DNAAF11: variants seen among roughly 807,000 people sequenced by gnomAD.
The protein encoded by DNAAF11 is dynein axonemal assembly factor 11.
In DNAAF11, 45 loss-of-function variants were observed where a neutral mutation model predicts 60.8. That is an observed-to-expected ratio of 0.74 (90% CI 0.58 to 0.95). The LOEUF (loss-of-function observed/expected upper bound fraction) is 0.95. Among genes scored for constraint, DNAAF11 ranks in the 40% least tolerant of loss-of-function variants. DNAAF11 has a pLI of 0.00. For synonymous variants in DNAAF11, 191 were observed against 183.5 expected, an observed-to-expected ratio of 1.04 and a Z score of -0.33; for missense variants, 546 against 546.2, an observed-to-expected ratio of 1.00 and a Z score of 0.00.
At chr8:132,643,432 G>A in intron 3 of DNAAF11, 1 of 336,228 alleles carries the variant, frequency 3.0e-6, no homozygotes, top group Non-Finnish European at 5.9e-6. Flanking sequence ...GAAGGCAGGA[G>A]GAGGCAGGTA....
intron 10 of DNAAF11, among the ~76,000 whole-genome samples, chr8:132,587,889 T>C (rs1201239616): frequency 1.3e-5 from 2 of 152,194 alleles, no homozygotes; most frequent in Non-Finnish European, 2.9e-5. Flanking sequence ...CAAAAGTCCA[T>C]TCTGAGGCTT....
chr8:132,664,693 G>A (rs974977791), intron 1 of DNAAF11, among the ~76,000 whole-genome samples: 6 of 146,378 alleles, frequency 4.1e-5, no homozygotes, highest in Admixed American at 2.1e-4. Context: ...TCAGACTCCT[G>A]GACTCAAGCG....
At chr8:132,617,980 C>A (rs1276295443) in intron 7 of DNAAF11, among the ~76,000 whole-genome samples, 1 of 149,602 alleles carries the variant, frequency 6.7e-6, no homozygotes, top group African/African-American at 2.5e-5. Context: ...AAAGAGCCCA[C>A]ATCGCCAAGT....
intron 7 of DNAAF11, 70 bp from the exon 8 acceptor site, chr8:132,615,167 A>G (rs1055454831): frequency 3.5e-6 from 3 of 856,152 alleles, no homozygotes; most frequent in Admixed American, 2.1e-5. Context: ...CCCATCATAA[A>G]TTCATAAGCA....
At chr8:132,674,507 C>T (rs1825582583) in intron 1 of DNAAF11, among the ~76,000 whole-genome samples, 1 of 152,174 alleles carries the variant, frequency 6.6e-6, no homozygotes, top group African/African-American at 2.4e-5. Context: ...ATATGGGGAG[C>T]TCAAAAACGT....
In DNAAF11 at chr8:132,578,574, G is replaced by C. The variant is rs888094852; in HGVS notation, c.1226+5120C>G. 61 of 999,504 alleles carry C rather than the reference G, an allele frequency of 6.1e-5. No individual in the cohort carries two copies. In the African/African-American group the frequency reaches 8.0e-4, roughly 13 times the overall value. The allele number at this position is 999,504 out of a possible 1,614,324, so 61.9% of individuals were successfully genotyped here. On this transcript the variant is annotated intron_variant, in intron 11 of 11. Transcript: ENST00000620350. Reference sequence around the variant, plus strand: ...GGAAGTAAGCAAGAAAAAAGAAAATGCCTAAAATTAATCACTAAGTGCAAA... The same window carrying C: ...GGAAGTAAGCAAGAAAAAAGAAAATCCCTAAAATTAATCACTAAGTGCAAA...
At chr8:132,663,689 C>A (rs1432371343) in intron 1 of DNAAF11, among the ~76,000 whole-genome samples, 1 of 152,168 alleles carries the variant, frequency 6.6e-6, no homozygotes, top group Non-Finnish European at 1.5e-5. Flanking sequence ...ACGTGCCCAT[C>A]CAGAGCCCAA....
intron 1 of DNAAF11, among the ~76,000 whole-genome samples, chr8:132,667,865 A>C (rs527599522): frequency 5.1e-4 from 77 of 152,338 alleles, no homozygotes; most frequent in African/African-American, 1.8e-3. Context: ...GGTTTCTGGG[A>C]TACTGGAGGC....
chr8:132,700,984 G>A, the DNAAF11 span, among the ~76,000 whole-genome samples: 4 of 152,240 alleles, frequency 2.6e-5, no homozygotes, highest in South Asian at 2.1e-4. Flanking sequence ...GTTCAAGATC[G>A]AGGGGTTGGT....
intron 10 of DNAAF11, among the ~76,000 whole-genome samples, chr8:132,604,580 C>T (rs1317535024): frequency 6.6e-6 from 1 of 152,098 alleles, no homozygotes; most frequent in Non-Finnish European, 1.5e-5. Context: ...GTGAACAAGC[C>T]TCTCAGTGCA....
chr8:132,654,361 T>A (rs998376216), intron 3 of DNAAF11, among the ~76,000 whole-genome samples: 2 of 151,676 alleles, frequency 1.3e-5, no homozygotes, highest in Non-Finnish European at 2.9e-5. Flanking sequence ...TAATAATAGA[T>A]AAAACAATTA....
chr8:132,584,659 C>G (rs1473867950), intron 10 of DNAAF11, among the ~76,000 whole-genome samples: 1 of 152,142 alleles, frequency 6.6e-6, no homozygotes, highest in Non-Finnish European at 1.5e-5. Context: ...ATTCCCCTCT[C>G]TACCCTCACC....
chr8:132,605,286 T>A (rs909271321), intron 10 of DNAAF11, among the ~76,000 whole-genome samples: 11 of 152,178 alleles, frequency 7.2e-5, no homozygotes, highest in Admixed American at 6.5e-5. Flanking sequence ...CCCATTCCCT[T>A]AATCATTTCT....
At chr8:132,592,725 A>T (rs1816597135) in intron 10 of DNAAF11, among the ~76,000 whole-genome samples, 1 of 152,196 alleles carries the variant, frequency 6.6e-6, no homozygotes, top group African/African-American at 2.4e-5. Flanking sequence ...TAATAAGGTA[A>T]GAGATGATTG....
chr8:132,696,701 A>C, the DNAAF11 span, among the ~76,000 whole-genome samples: 1 of 152,220 alleles, frequency 6.6e-6, no homozygotes, highest in African/African-American at 2.4e-5. Flanking sequence ...ATGGAATACT[A>C]TGCAGCCATA....
At chr8:132,601,565 C>T (rs1817624132) in intron 10 of DNAAF11, among the ~76,000 whole-genome samples, 1 of 152,162 alleles carries the variant, frequency 6.6e-6, no homozygotes, top group Non-Finnish European at 1.5e-5. Context: ...AAATGTGACA[C>T]ATATACACCA....
chr8:132,588,269 A>T (rs532284420), intron 10 of DNAAF11, among the ~76,000 whole-genome samples: 1 of 152,384 alleles, frequency 6.6e-6, no homozygotes, highest in African/African-American at 2.4e-5. Flanking sequence ...AAGGAAATGA[A>T]TGTAATCAGG....
chr8:132,629,837 A>C (rs1820633125), intron 5 of DNAAF11, among the ~76,000 whole-genome samples: 1 of 152,226 alleles, frequency 6.6e-6, no homozygotes, highest in Non-Finnish European at 1.5e-5. Flanking sequence ...ACACAATATC[A>C]GTATACAGAA....
intron 10 of DNAAF11, among the ~76,000 whole-genome samples, chr8:132,606,347 T>C (rs1259086936): frequency 6.6e-6 from 1 of 152,186 alleles, no homozygotes; most frequent in Non-Finnish European, 1.5e-5. Flanking sequence ...CCTGAAGACC[T>C]TCCCATGGGA....
Sources: gnomAD v4.1 joint callset for allele counts (sites outside exome capture counted in the v4.1 genomes callset) on GRCh38, gnomAD v4.1.1 for gene constraint, MANE v1.5 for transcripts, NCBI Gene and HGNC (gene_info 2026-07-23, HGNC 2026-07-21) for gene names.